The following HGSNAT variants were observed in gnomAD, a reference collection of about 807,000 sequenced individuals.
HGSNAT encodes the protein transmembrane protein 76.
HGSNAT carries 59 observed loss-of-function variants against 85.2 expected under a neutral mutation model. The observed-to-expected ratio is 0.69, with a 90% CI of 0.56 to 0.86. HGSNAT has a LOEUF of 0.86. Among genes scored for constraint, HGSNAT ranks in the 40% least tolerant of loss-of-function variants. The pLI is 0.00. For synonymous variants in HGSNAT, 321 were observed against 304.5 expected, an observed-to-expected ratio of 1.05 and a Z score of -0.56; for missense variants, 756 against 777.1, an observed-to-expected ratio of 0.97 and a Z score of 0.32.
chr8:43,178,067 T>A lies in HGSNAT; in HGVS notation c.852-7T>A. ...TGGCCACCTATTAATAACTAGATTC[T>A]TTTTAGGTTTGTATTTATTATGGGA... On this transcript the variant is annotated splice_region_variant and splice_polypyrimidine_tract_variant and intron_variant, in intron 9 of 17. Transcript: ENST00000379644. 1 of 1,612,316 alleles carries A rather than the reference T, an allele frequency of 6.2e-7. No individual in the cohort carries two copies. The highest frequency in any genetic ancestry group is 8.5e-7 in the Non-Finnish European group (1 of 1,178,584).
At chr8:43,198,666 G>T (rs73675468) in intron 17 of HGSNAT, among the ~76,000 whole-genome samples, 5,019 of 152,176 alleles carry the variant, frequency 0.033, 280 homozygotes, top group African/African-American at 0.11. Flanking sequence ...AGAAGAAATA[G>T]CAAGAGGTGA....
At chr8:43,165,972 C>G (rs1430626313) in intron 5 of HGSNAT, among the ~76,000 whole-genome samples, 4 of 152,096 alleles carry the variant, frequency 2.6e-5, no homozygotes, top group Non-Finnish European at 4.4e-5. Context: ...AATGAAACAG[C>G]CTTACTGCTG....
At chr8:43,157,395 A>G (rs1464806084) in intron 2 of HGSNAT, among the ~76,000 whole-genome samples, 2 of 152,206 alleles carry the variant, frequency 1.3e-5, no homozygotes, top group Non-Finnish European at 2.9e-5. Flanking sequence ...ATATTTGGTC[A>G]TTTGTAACGG....
At chr8:43,161,757 A>C (rs1187616350) in intron 5 of HGSNAT, among the ~76,000 whole-genome samples, 1 of 152,246 alleles carries the variant, frequency 6.6e-6, no homozygotes, top group Non-Finnish European at 1.5e-5. Flanking sequence ...GAAGAGGAAG[A>C]AAATGCTTGA....
intron 2 of HGSNAT, among the ~76,000 whole-genome samples, chr8:43,148,993 G>T (rs1802804707): frequency 6.6e-6 from 1 of 151,930 alleles, no homozygotes; most frequent in South Asian, 2.1e-4. Flanking sequence ...GTGTGTGCCT[G>T]TAATCCCAGC....
intron 1 of HGSNAT, 79 bp downstream of exon 1, chr8:43,140,693 T>C (rs1238353849): frequency 9.0e-6 from 6 of 663,658 alleles, no homozygotes; most frequent in Non-Finnish European, 1.2e-5. Flanking sequence ...CCTATCTCCG[T>C]GCGCGGCGCC....
At position 43,141,942 on chromosome 8, in the gene HGSNAT, C is replaced by T. The variant is rs569200182; in HGVS notation, c.118+1328C>T. On this transcript the variant is annotated intron_variant, in intron 1 of 17. Coordinates refer to ENST00000379644, the MANE Select transcript of HGSNAT (RefSeq NM_152419.3). ...AGAGGTGGTTTGTAAATAGTAATCACACGTAGTGAGGGGAAGCCGCGTTGG... is the reference window on the plus strand; with the variant it reads ...AGAGGTGGTTTGTAAATAGTAATCATACGTAGTGAGGGGAAGCCGCGTTGG... 3.9e-5 allele frequency among the ~76,000 whole-genome samples: 6 copies of T among 152,290 alleles called. No individual in the cohort carries two copies. In the South Asian group the frequency reaches 1.2e-3, roughly 32 times the overall value.
chr8:43,144,769 T>A (rs1320049189), intron 1 of HGSNAT, among the ~76,000 whole-genome samples: 5 of 152,092 alleles, frequency 3.3e-5, no homozygotes, highest in African/African-American at 7.2e-5. Flanking sequence ...AAATGAAAAA[T>A]TTCAAGATTT....
chr8:43,192,903 C>G (rs1804589155), intron 13 of HGSNAT, among the ~76,000 whole-genome samples: 1 of 152,130 alleles, frequency 6.6e-6, no homozygotes, highest in South Asian at 2.1e-4. Flanking sequence ...GGAAGTGGAT[C>G]AGGCAGTCCT....
Position 43,170,693 on chromosome 8 carries a change from G to A in HGSNAT, c.742G>A (p.Gly248Arg). 1 of 1,590,598 alleles carries A rather than the reference G, an allele frequency of 6.3e-7. No homozygotes were observed. The highest frequency in any genetic ancestry group is 8.6e-7 in the Non-Finnish European group (1 of 1,168,302). The change falls in exon 7 of 18, where the codon GGG (glycine) becomes AGG (arginine). Residue 248 changes from glycine to arginine, a missense_variant and splice_region_variant. By Grantham distance (125) the Gly-to-Arg change is moderately radical. Transcript: ENST00000379644. ...PRLRSVDTFR[G>R]IALILMVFVN... ...CCTCCGCAGCGTGGACACCTTCAGG[G>A]GGTATGTGGGCCTCCCTGTAGCACA...
At chr8:43,193,639 C>T in intron 13 of HGSNAT, 118 bp from the exon 14 acceptor site, 1 of 642,908 alleles carries the variant, frequency 1.6e-6, no homozygotes, top group South Asian at 2.4e-5. Flanking sequence ...ATTTCTGCAG[C>T]AAAAACAGAA....
Position 43,197,905 on chromosome 8 carries a change from T to C in HGSNAT, c.1679T>C (p.Val560Ala), listed in dbSNP as rs1261231042. Residue 560 changes from valine to alanine, a missense_variant, in exon 17 of 18, where the codon GTT becomes GCT. Coordinates refer to ENST00000379644, the MANE Select transcript of HGSNAT (RefSeq NM_152419.3). ...TTCATCCTGCTGGTCCTGTACCCAG[T>C]TGTGGATGTGAAGGGGCTGTGGACA... is the stretch of plus-strand genomic sequence containing the variant. Reference protein sequence around the residue: ...AFFILLVLYPVVDVKGLWTGT... With the variant: ...AFFILLVLYPAVDVKGLWTGT... 1.9e-6 allele frequency: 3 copies of C among 1,613,986 alleles called. No individual in the cohort carries two copies. Among genetic ancestry groups the C allele is most frequent in the Non-Finnish European group, 2.5e-6 (3 of 1,179,864 alleles).
At chr8:43,198,516 C>T (rs561805252) in intron 17 of HGSNAT, among the ~76,000 whole-genome samples, 199 of 151,962 alleles carry the variant, frequency 1.3e-3, no homozygotes, top group African/African-American at 4.4e-3. Flanking sequence ...CTTGATCTCC[C>T]GACCTCGTGA....
intron 10 of HGSNAT, among the ~76,000 whole-genome samples, chr8:43,178,766 C>T (rs1377383723): frequency 6.7e-6 from 1 of 149,536 alleles, no homozygotes; most frequent in Admixed American, 6.6e-5. Context: ...TGGCCTTCCG[C>T]AGTGTTTGTG....
intron 1 of HGSNAT, among the ~76,000 whole-genome samples, chr8:43,145,937 G>T (rs1802699966): frequency 6.6e-6 from 1 of 152,110 alleles, no homozygotes; most frequent in African/African-American, 2.4e-5. Context: ...TTACTCAGAG[G>T]ATAAATTAAC....
At chr8:43,188,630 T>C (rs373457823) in intron 11 of HGSNAT, among the ~76,000 whole-genome samples, 3 of 152,236 alleles carry the variant, frequency 2.0e-5, no homozygotes, top group African/African-American at 7.2e-5. Flanking sequence ...ACCATTCATC[T>C]GAAGCCTTCT....
intron 11 of HGSNAT, among the ~76,000 whole-genome samples, chr8:43,188,190 G>C (rs1158234746): frequency 6.6e-6 from 1 of 152,118 alleles, no homozygotes; most frequent in Non-Finnish European, 1.5e-5. Context: ...ATGTTGGCCT[G>C]CCTTGCTGGG....
chr8:43,185,962 C>T (rs1299646981), intron 11 of HGSNAT, among the ~76,000 whole-genome samples: 1 of 152,070 alleles, frequency 6.6e-6, no homozygotes, highest in Non-Finnish European at 1.5e-5. Flanking sequence ...ATATGTTGAA[C>T]CAGCCTTGCA....
Position 43,199,089 on chromosome 8 carries a change from C to T in HGSNAT, c.1727-299C>T, listed in dbSNP as rs1277905699. On this transcript the variant is annotated intron_variant, in intron 17 of 17. Transcript: ENST00000379644. Reference sequence around the variant, plus strand: ...GCTAATTTTGTATTTTTAGTAGAGACGGGGTTTCATCACGTTGGCCAGGCT... The same window carrying T: ...GCTAATTTTGTATTTTTAGTAGAGATGGGGTTTCATCACGTTGGCCAGGCT... 5.3e-5 allele frequency among the ~76,000 whole-genome samples: 8 copies of T among 152,120 alleles called. 1 individual carries two copies. Among genetic ancestry groups the T allele is most frequent in the South Asian group, 4.2e-4 (2 of 4,806 alleles).
Sources: gnomAD v4.1 joint callset for allele counts (sites outside exome capture counted in the v4.1 genomes callset) on GRCh38, gnomAD v4.1.1 for gene constraint, MANE v1.5 for transcripts, NCBI Gene and HGNC (gene_info 2026-07-23, HGNC 2026-07-21) for gene names.